NRG3: variants seen among roughly 807,000 people sequenced by gnomAD.
The protein encoded by NRG3 is pro-neuregulin-3, membrane-bound isoform.
Under a neutral mutation model 66.9 loss-of-function variants are expected in NRG3, and 31 were observed. The ratio of observed to expected loss-of-function variants is 0.46; its 90% CI spans 0.35 to 0.63. The LOEUF (loss-of-function observed/expected upper bound fraction) is 0.63. Ranked by LOEUF, NRG3 falls within the 20% of genes least tolerant of loss-of-function variation. The pLI is 0.00. For synonymous variants in NRG3, 393 were observed against 359.4 expected (o/e 1.09, Z -1.06); for missense variants, 910 against 878.9 (o/e 1.04, Z -0.45).
At chr10:82,878,844 A>G (rs748703056) in intron 4 of NRG3, among the ~76,000 whole-genome samples, 2 of 152,186 alleles carry the variant, frequency 1.3e-5, no homozygotes, top group African/African-American at 4.8e-5. Flanking sequence ...TCTAGGCACT[A>G]TCTGCTGCCA....
At chr10:82,619,866 C>T (rs759231612) in intron 2 of NRG3, among the ~76,000 whole-genome samples, 3 of 152,196 alleles carry the variant, frequency 2.0e-5, no homozygotes, top group Non-Finnish European at 4.4e-5. Context: ...TGACCTTAGA[C>T]TTCTAGCCTC....
chr10:82,367,938 G>T (rs1358995200), intron 2 of NRG3, among the ~76,000 whole-genome samples: 2 of 151,964 alleles, frequency 1.3e-5, no homozygotes, highest in African/African-American at 4.8e-5. Context: ...GAACTTTCAA[G>T]GATGCAATAA....
intron 1 of NRG3, among the ~76,000 whole-genome samples, chr10:82,080,772 G>A (rs1372508037): frequency 6.6e-6 from 1 of 152,028 alleles, no homozygotes; most frequent in Non-Finnish European, 1.5e-5. Flanking sequence ...TCAAAAGTAT[G>A]GTTTAACCAT....
chr10:82,456,576 T>C (rs889339263), intron 2 of NRG3, among the ~76,000 whole-genome samples: 2 of 152,194 alleles, frequency 1.3e-5, no homozygotes, highest in Non-Finnish European at 2.9e-5. Context: ...ATTGTAATCT[T>C]ATGGGACCAC....
At chr10:82,704,303 G>T (rs2056126330) in intron 2 of NRG3, among the ~76,000 whole-genome samples, 1 of 152,018 alleles carries the variant, frequency 6.6e-6, no homozygotes, top group South Asian at 2.1e-4. Flanking sequence ...TAAATGTTCA[G>T]AAAGGCAGTG....
In NRG3 at chr10:82,067,990, C is replaced by CT. The variant is rs574622597; in HGVS notation, c.823+191828dup. 2.3e-3 allele frequency among the ~76,000 whole-genome samples: 357 copies of CT among 152,260 alleles called. 2 individuals are homozygous for CT. The highest frequency in any genetic ancestry group is 8.2e-3 in the African/African-American group (341 of 41,568). On this transcript the variant is annotated intron_variant, in intron 1 of 8. Coordinates refer to ENST00000372141, the MANE Select transcript of NRG3 (RefSeq NM_001010848.4). ...GAAAAGCATATTCCTCTTTTTCCTT[C>CT]TGACTTACATTCCTCCTCAAGCTAC...
chr10:82,671,940 A>G (rs988212404), intron 2 of NRG3, among the ~76,000 whole-genome samples: 1 of 152,120 alleles, frequency 6.6e-6, no homozygotes, highest in African/African-American at 2.4e-5. Flanking sequence ...TACTCTCTTC[A>G]CTGTCTATAT....
intron 3 of NRG3, among the ~76,000 whole-genome samples, chr10:82,793,247 T>C (rs1385540899): frequency 1.3e-5 from 2 of 152,174 alleles, no homozygotes; most frequent in Non-Finnish European, 2.9e-5. Flanking sequence ...TGGCTCATTT[T>C]TGAGTGGGAG....
At chr10:82,314,829 A>G in intron 1 of NRG3, among the ~76,000 whole-genome samples, 1 of 152,168 alleles carries the variant, frequency 6.6e-6, no homozygotes, top group East Asian at 1.9e-4. Context: ...AAACAAAAAA[A>G]CAATAAATAG....
intron 1 of NRG3, among the ~76,000 whole-genome samples, chr10:82,008,265 T>G (rs938239277): frequency 1.4e-4 from 21 of 152,128 alleles, no homozygotes; most frequent in African/African-American, 5.1e-4. Context: ...GTTTGGAAGG[T>G]CAGGGAAAGA....
intron 2 of NRG3, among the ~76,000 whole-genome samples, chr10:82,512,250 ATTCCATACACG>A (rs2132453978): frequency 6.6e-6 from 1 of 151,590 alleles, no homozygotes; most frequent in South Asian, 2.1e-4. Flanking sequence ...ACATATACAC[ATTCCATACACG>A]TATAATTTAT....
chr10:82,600,701 C>A (rs1290291217), intron 2 of NRG3, among the ~76,000 whole-genome samples: 2 of 152,160 alleles, frequency 1.3e-5, no homozygotes, highest in African/African-American at 4.8e-5. Context: ...AACTCCTGAC[C>A]TCGTGATCCT....
intron 3 of NRG3, among the ~76,000 whole-genome samples, chr10:82,826,269 G>C (rs1473110852): frequency 6.6e-6 from 1 of 152,174 alleles, no homozygotes; most frequent in Non-Finnish European, 1.5e-5. Context: ...TTGGCCCCAG[G>C]TTGTGGATGA....
chr10:82,293,723 A>G (rs2079876432), intron 1 of NRG3, among the ~76,000 whole-genome samples: 1 of 152,272 alleles, frequency 6.6e-6, no homozygotes, highest in East Asian at 1.9e-4. Flanking sequence ...CTGAGTCTTT[A>G]GAAGCTGCCT....
chr10:82,232,963 G>C (rs1483530203), intron 1 of NRG3: 6 of 642,966 alleles, frequency 9.3e-6, no homozygotes, highest in African/African-American at 5.4e-5. Context: ...CCTGGCCCTG[G>C]GTTGCTTAAG....
chr10:82,082,185 T>C lies in NRG3; in HGVS notation c.823+206022T>C, dbSNP rs933499111. On this transcript the variant is annotated intron_variant, in intron 1 of 8. Transcript: ENST00000372141. Reference sequence around the variant, plus strand: ...ACTGCTTGATTTGCTTTCCTCTTTGTTGTTGTAAGAAAAATGTCCCACTCA... The same window carrying C: ...ACTGCTTGATTTGCTTTCCTCTTTGCTGTTGTAAGAAAAATGTCCCACTCA... 1.3e-4 allele frequency among the ~76,000 whole-genome samples: 20 copies of C among 152,298 alleles called. No homozygotes were observed. In the East Asian group the frequency reaches 2.5e-3, roughly 19 times the overall value.
chr10:82,787,119 T>A (rs1441708213), intron 3 of NRG3, among the ~76,000 whole-genome samples: 1 of 152,166 alleles, frequency 6.6e-6, no homozygotes, highest in African/African-American at 2.4e-5. Flanking sequence ...CTATGACCTA[T>A]GTCTTGTATT....
At chr10:82,772,244 C>T (rs1411666964) in intron 3 of NRG3, among the ~76,000 whole-genome samples, 3 of 152,102 alleles carry the variant, frequency 2.0e-5, no homozygotes, top group African/African-American at 4.8e-5. Context: ...GCAGATCTAT[C>T]ATCTAACATA....
At chr10:82,186,170 A>T (rs2073796600) in intron 1 of NRG3, among the ~76,000 whole-genome samples, 1 of 152,214 alleles carries the variant, frequency 6.6e-6, no homozygotes, top group South Asian at 2.1e-4. Flanking sequence ...CTCCAAAGAG[A>T]TTATAACTCA....
Sources: gnomAD v4.1 joint callset for allele counts (sites outside exome capture counted in the v4.1 genomes callset) on GRCh38, gnomAD v4.1.1 for gene constraint, MANE v1.5 for transcripts, NCBI Gene and HGNC (gene_info 2026-07-23, HGNC 2026-07-21) for gene names.